PRKN: variants seen among roughly 807,000 people sequenced by gnomAD.
PRKN encodes E3 ubiquitin-protein ligase parkin.
Under a neutral mutation model 59.5 loss-of-function variants are expected in PRKN, and 56 were observed. That is an observed-to-expected ratio of 0.94 (90% CI 0.76 to 1.18). The LOEUF is 1.18. PRKN is among the 50% of genes most tolerant of loss of function. The pLI, the probability that PRKN is intolerant of heterozygous loss-of-function variation, is 0.00. For missense variants in PRKN, 657 were observed against 596.4 expected (o/e 1.10, Z -1.06); for synonymous variants, 250 against 222.1 (o/e 1.13, Z -1.12).
At chr6:161,870,573 T>C (rs1389258868) in intron 6 of PRKN, among the ~76,000 whole-genome samples, 2 of 152,152 alleles carry the variant, frequency 1.3e-5, no homozygotes, top group Non-Finnish European at 2.9e-5. Flanking sequence ...TTTACTTCTC[T>C]ACTAAAAAAA....
At chr6:162,485,163 A>C (rs948106068) in intron 1 of PRKN, among the ~76,000 whole-genome samples, 4 of 152,204 alleles carry the variant, frequency 2.6e-5, no homozygotes, top group Non-Finnish European at 5.9e-5. Flanking sequence ...TATCTTTAAT[A>C]AAGTAATAGG....
At chr6:162,437,398 C>T (rs896344215) in intron 2 of PRKN, among the ~76,000 whole-genome samples, 1 of 152,026 alleles carries the variant, frequency 6.6e-6, no homozygotes, top group Non-Finnish European at 1.5e-5. Flanking sequence ...CACATTCTAA[C>T]GCAGTTGTAA....
At position 162,265,970 on chromosome 6, in the gene PRKN, G is replaced by A. The variant is rs148171216; in HGVS notation, c.172-3205C>T. On this transcript the variant is annotated intron_variant, in intron 2 of 11. Coordinates refer to ENST00000366898, the MANE Select transcript of PRKN (RefSeq NM_004562.3). Reference sequence around the variant, plus strand: ...GCTATCACTGTCCATGATCAGCTCCGTGTCAGGCAGCACTCCTCCAGCTGT... The same window carrying A: ...GCTATCACTGTCCATGATCAGCTCCATGTCAGGCAGCACTCCTCCAGCTGT... Among the ~76,000 whole-genome samples the A allele has an allele frequency of 2.2e-3, 341 of 152,212 alleles. 2 individuals are homozygous for A. Among genetic ancestry groups the A allele is most frequent in the African/African-American group, 7.8e-3 (326 of 41,540 alleles).
At chr6:162,452,264 G>A (rs1790661608) in intron 1 of PRKN, among the ~76,000 whole-genome samples, 2 of 152,068 alleles carry the variant, frequency 1.3e-5, no homozygotes, top group African/African-American at 4.8e-5. Context: ...AACTCTTCAG[G>A]CTGAAGTGAA....
At chr6:162,720,884 CTA>C in intron 1 of PRKN, among the ~76,000 whole-genome samples, 1 of 152,142 alleles carries the variant, frequency 6.6e-6, no homozygotes, top group Non-Finnish European at 1.5e-5. Flanking sequence ...AGAGAAGAAA[CTA>C]TAAATAGAAC....
At chr6:162,215,974 G>A (rs1407688381) in intron 3 of PRKN, among the ~76,000 whole-genome samples, 4 of 151,906 alleles carry the variant, frequency 2.6e-5, no homozygotes, top group African/African-American at 4.8e-5. Context: ...ACCGGGACCC[G>A]GGAGGCAGAG....
chr6:162,355,503 C>A (rs1350583768), intron 2 of PRKN, among the ~76,000 whole-genome samples: 1 of 151,742 alleles, frequency 6.6e-6, no homozygotes, highest in Non-Finnish European at 1.5e-5. Context: ...TACCTCTAAA[C>A]AATACATACT....
intron 7 of PRKN, among the ~76,000 whole-genome samples, chr6:161,597,960 T>C (rs567278620): frequency 1.3e-5 from 2 of 152,306 alleles, no homozygotes; most frequent in South Asian, 2.1e-4. Context: ...TTTTTCTTAG[T>C]GCAGAAGGGG....
chr6:161,545,067 G>T lies in PRKN; in HGVS notation c.1083+3787C>A. ...CTCTGGAGCCCAGAGCTCAACACATGGGTGTCTAGCTCCGAACAATTTTAA... is the reference window on the plus strand; with the variant it reads ...CTCTGGAGCCCAGAGCTCAACACATTGGTGTCTAGCTCCGAACAATTTTAA... On this transcript the variant is annotated intron_variant, in intron 9 of 11. Transcript: ENST00000366898. This position sits in a 1 kb window ranked among gnomAD's most constrained non-coding sequence, Gnocchi z 4.1. 1.2e-6 allele frequency: 1 copy of T among 815,952 alleles called. No homozygotes were observed. The highest frequency in any genetic ancestry group is 1.6e-6 in the Non-Finnish European group (1 of 628,892). 50.5% of individuals were successfully genotyped at this position (815,952 alleles called of 1,614,324 possible). A position where few individuals can be genotyped will look rare whatever the true frequency, so the allele number is the denominator to read the frequency against.
intron 1 of PRKN, chr6:162,569,660 G>A: frequency 1.5e-6 from 1 of 681,384 alleles, no homozygotes. Context: ...CAGGGCCATG[G>A]TTGTGAAGAA....
intron 2 of PRKN, among the ~76,000 whole-genome samples, chr6:162,423,384 C>T (rs1014090246): frequency 6.6e-6 from 1 of 152,150 alleles, no homozygotes; most frequent in South Asian, 2.1e-4. Context: ...GCCTTCCTCC[C>T]TCCCTTCCAC....
intron 1 of PRKN, among the ~76,000 whole-genome samples, chr6:162,677,283 A>C (rs1562489680): frequency 6.6e-6 from 1 of 151,894 alleles, no homozygotes; most frequent in African/African-American, 2.4e-5. Context: ...GATTAATAAA[A>C]AGACAGACGG....
intron 6 of PRKN, among the ~76,000 whole-genome samples, chr6:161,971,893 T>C (rs1780823307): frequency 1.3e-5 from 2 of 152,182 alleles, no homozygotes; most frequent in Non-Finnish European, 2.9e-5. Flanking sequence ...CTTAAAATGA[T>C]TAGGGTATAT....
chr6:162,075,964 C>CTTTTTTT (rs201642343), intron 4 of PRKN, among the ~76,000 whole-genome samples: 1 of 132,964 alleles, frequency 7.5e-6, no homozygotes, highest in Admixed American at 7.5e-5. Context: ...GAAAGGCTTG[C>CTTTTTTT]TTTTTTTTTT....
At chr6:161,600,470 G>A (rs1416370588) in intron 7 of PRKN, among the ~76,000 whole-genome samples, 1 of 152,090 alleles carries the variant, frequency 6.6e-6, no homozygotes, top group African/African-American at 2.4e-5. Context: ...ATAATAATTA[G>A]ATACTTTAGG....
At chr6:162,376,026 A>G (rs571699921) in intron 2 of PRKN, among the ~76,000 whole-genome samples, 59 of 152,076 alleles carry the variant, frequency 3.9e-4, no homozygotes, top group African/African-American at 1.3e-3. Context: ...GAGGAATCCA[A>G]CTCTTGAGAA....
intron 4 of PRKN, among the ~76,000 whole-genome samples, chr6:162,098,355 G>GT (rs1779832278): frequency 6.6e-6 from 1 of 152,108 alleles, no homozygotes; most frequent in Admixed American, 6.6e-5. Context: ...AAAGTGAGGG[G>GT]TTTTTCCTAT....
At chr6:162,076,039 G>C (rs1314376700) in intron 4 of PRKN, among the ~76,000 whole-genome samples, 1 of 149,346 alleles carries the variant, frequency 6.7e-6, no homozygotes, top group Middle Eastern at 3.5e-3. Flanking sequence ...CATGACCTCG[G>C]CTTACTGCAA....
At chr6:162,425,302 C>A (rs962911037) in intron 2 of PRKN, among the ~76,000 whole-genome samples, 1 of 152,100 alleles carries the variant, frequency 6.6e-6, no homozygotes, top group African/African-American at 2.4e-5. Flanking sequence ...TGCCAGCCTG[C>A]CACGAAGCAG....
Sources: allele counts gnomAD v4.1 joint callset (sites outside exome capture counted in the v4.1 genomes callset), GRCh38; gene constraint gnomAD v4.1.1; non-coding constraint Gnocchi (gnomAD v3.1); transcripts MANE v1.5; gene names NCBI Gene and HGNC (gene_info 2026-07-23, HGNC 2026-07-21).